The following NCAM2 variants were observed in gnomAD, a reference collection of about 807,000 sequenced individuals.
NCAM2 encodes the protein neural cell adhesion molecule 2.
Under a neutral mutation model 98.1 loss-of-function variants are expected in NCAM2, and 30 were observed. The observed-to-expected ratio is 0.31, with a 90% CI of 0.23 to 0.41. The LOEUF (loss-of-function observed/expected upper bound fraction) is 0.41, where lower values mean the gene tolerates loss of function less well. Among genes scored for constraint, NCAM2 ranks in the 10% least tolerant of loss-of-function variants. The pLI is 1.00. For synonymous variants in NCAM2, 368 were observed against 342.4 expected (o/e 1.07, Z -0.83); for missense variants, 867 against 1,005.8 (o/e 0.86, Z 1.87).
intron 1 of NCAM2, among the ~76,000 whole-genome samples, chr21:21,113,466 C>A (rs568115559): frequency 2.9e-4 from 44 of 151,930 alleles, no homozygotes; most frequent in Non-Finnish European, 5.6e-4. Flanking sequence ...CTGTGGCAAA[C>A]AGATACAATA....
chr21:21,140,491 A>G (rs2067143762), intron 1 of NCAM2, among the ~76,000 whole-genome samples: 1 of 152,176 alleles, frequency 6.6e-6, no homozygotes, highest in Non-Finnish European at 1.5e-5. Context: ...AAATCATCCT[A>G]CCGATGCTAA....
At chr21:21,452,786 TTA>T (rs1291072683) in intron 12 of NCAM2, among the ~76,000 whole-genome samples, 6 of 80,430 alleles carry the variant, frequency 7.5e-5, no homozygotes, top group African/African-American at 3.1e-4. Context: ...TAGTATTACT[TTA>T]TATATAAAAT....
chr21:21,147,813 C>A (rs2067329995), intron 1 of NCAM2, among the ~76,000 whole-genome samples: 1 of 135,152 alleles, frequency 7.4e-6, no homozygotes, highest in Admixed American at 7.9e-5. Context: ...ATATATATAT[C>A]TGTTGATATG....
intron 1 of NCAM2, among the ~76,000 whole-genome samples, chr21:21,237,678 G>A (rs2070887615): frequency 6.6e-6 from 1 of 151,820 alleles, no homozygotes; most frequent in African/African-American, 2.4e-5. Flanking sequence ...TTTGAGACTT[G>A]TCTTTTCAGA....
intron 9 of NCAM2, among the ~76,000 whole-genome samples, chr21:21,398,330 G>C (rs753421820): frequency 6.6e-6 from 1 of 152,046 alleles, no homozygotes; most frequent in Non-Finnish European, 1.5e-5. Context: ...CTCAGGTGAT[G>C]GGTACACCAA....
intron 1 of NCAM2, among the ~76,000 whole-genome samples, chr21:21,133,129 CTTTAA>C (rs2066970483): frequency 1.3e-5 from 2 of 152,040 alleles, no homozygotes; most frequent in East Asian, 1.9e-4. Flanking sequence ...CATTCCATTG[CTTTAA>C]TTTATTATGC....
At chr21:21,212,045 T>G (rs1055074100) in intron 1 of NCAM2, among the ~76,000 whole-genome samples, 2 of 152,208 alleles carry the variant, frequency 1.3e-5, no homozygotes, top group Admixed American at 1.3e-4. Flanking sequence ...ACCCAACGAT[T>G]TCGTGCTTGG....
At chr21:21,459,986 T>C (rs1364195895) in intron 12 of NCAM2, among the ~76,000 whole-genome samples, 2 of 151,966 alleles carry the variant, frequency 1.3e-5, no homozygotes, top group Non-Finnish European at 2.9e-5. Flanking sequence ...TTGGTAGATA[T>C]GTTTAATTAG....
In NCAM2 at chr21:21,286,291, G is replaced by A; in HGVS notation, c.360G>A (p.Val120=). ...CAGAAAAACTCACTTTCAGAGAAGTGGTATCTCCACAAGAATTCAAACAAG... is the reference window on the plus strand; with the variant it reads ...CAGAAAAACTCACTTTCAGAGAAGTAGTATCTCCACAAGAATTCAAACAAG... The part of the protein sequence containing the change: ...EIYQKLTFRE[V]VSPQEFKQGE... The change falls in exon 4 of 18, where the codon GTG becomes GTA. Residue 120 remains valine (V), a synonymous_variant. Transcript: ENST00000400546. The A allele has an allele frequency of 6.2e-7, 1 of 1,608,324 alleles. No individual in the cohort carries two copies. Among genetic ancestry groups the A allele is most frequent in the Non-Finnish European group, 8.5e-7 (1 of 1,176,808 alleles).
At chr21:21,151,229 A>T (rs1337094529) in intron 1 of NCAM2, among the ~76,000 whole-genome samples, 1 of 151,990 alleles carries the variant, frequency 6.6e-6, no homozygotes, top group African/African-American at 2.4e-5. Flanking sequence ...TTTAGACTTA[A>T]TTATGTTCCA....
intron 1 of NCAM2, among the ~76,000 whole-genome samples, chr21:21,063,210 CTTTTTTTTTTTTTTTTTT>C (rs11325446): frequency 3.0e-5 from 2 of 66,106 alleles, no homozygotes; most frequent in Admixed American, 2.6e-4. Context: ...TCTTTACATT[CTTTTTTTTTTTTTTTTTT>C]TTTTTTTTTT....
intron 10 of NCAM2, among the ~76,000 whole-genome samples, chr21:21,414,224 C>T (rs2076942244): frequency 6.6e-6 from 1 of 152,186 alleles, no homozygotes; most frequent in Non-Finnish European, 1.5e-5. Context: ...ACCGCATCTG[C>T]AGTTACTTCC....
At chr21:21,355,760 C>T (rs149686999) in intron 8 of NCAM2, among the ~76,000 whole-genome samples, 2,870 of 151,622 alleles carry the variant, frequency 0.019, 81 homozygotes, top group East Asian at 0.14. Context: ...GGACTACAGG[C>T]GCGTGCCACC....
In NCAM2 at chr21:21,426,588, G is replaced by A. The variant is rs1045631691; in HGVS notation, c.1481-5520G>A. Among the ~76,000 whole-genome samples, 3 of 152,146 alleles carry A rather than the reference G, an allele frequency of 2.0e-5. No homozygotes were observed. In the East Asian group the frequency reaches 5.8e-4, roughly 29 times the overall value. On this transcript the variant is annotated intron_variant, in intron 11 of 17. Coordinates refer to ENST00000400546, the MANE Select transcript of NCAM2 (RefSeq NM_004540.5). Reference sequence around the variant, plus strand: ...TGAAGTCTGCAATGACTAACTAGAGGTCAGGAAGCCCTCCTGCCAAGTTAC... The same window carrying A: ...TGAAGTCTGCAATGACTAACTAGAGATCAGGAAGCCCTCCTGCCAAGTTAC...
chr21:21,292,448 C>T (rs1357509594), intron 5 of NCAM2, among the ~76,000 whole-genome samples: 1 of 151,840 alleles, frequency 6.6e-6, no homozygotes, highest in Admixed American at 6.6e-5. Context: ...CATTGTCATT[C>T]TCATAACCCT....
At chr21:21,040,728 A>G (rs1320205640) in intron 1 of NCAM2, among the ~76,000 whole-genome samples, 1 of 152,204 alleles carries the variant, frequency 6.6e-6, no homozygotes, top group Non-Finnish European at 1.5e-5. Flanking sequence ...GGAAGCTAAA[A>G]AGTTTATCTT....
At chr21:21,102,706 T>C (rs188921600) in intron 1 of NCAM2, among the ~76,000 whole-genome samples, 88 of 152,120 alleles carry the variant, frequency 5.8e-4, no homozygotes, top group African/African-American at 2.0e-3. Flanking sequence ...AAAAATCCAG[T>C]GGAAAATATC....
At chr21:21,442,457 G>A (rs1055963735) in intron 12 of NCAM2, among the ~76,000 whole-genome samples, 7 of 152,138 alleles carry the variant, frequency 4.6e-5, no homozygotes, top group Admixed American at 2.0e-4. Flanking sequence ...GCCAAGATGG[G>A]AAAAACTAGG....
At chr21:21,009,583 G>A (rs979771876) in intron 1 of NCAM2, among the ~76,000 whole-genome samples, 2 of 151,838 alleles carry the variant, frequency 1.3e-5, no homozygotes, top group Non-Finnish European at 2.9e-5. Flanking sequence ...AAATGAGGGG[G>A]ATATAATATC....
Sources: allele counts gnomAD v4.1 joint callset (sites outside exome capture counted in the v4.1 genomes callset), GRCh38; gene constraint gnomAD v4.1.1; transcripts MANE v1.5; gene names NCBI Gene and HGNC (gene_info 2026-07-23, HGNC 2026-07-21).